CAPSL: variants seen among roughly 807,000 people sequenced by gnomAD.
The protein encoded by CAPSL is calcyphosine like.
A neutral mutation model predicts 21.3 loss-of-function variants in CAPSL; 17 were observed. The observed-to-expected ratio is 0.80, with a 90% CI of 0.55 to 1.20. The LOEUF (loss-of-function observed/expected upper bound fraction) is 1.20. Among genes scored for constraint, CAPSL ranks in the 50% most tolerant of loss-of-function variants. The probability of loss-of-function intolerance (pLI) is 0.00; values close to 1 mark genes in which losing one functional copy is unlikely to be tolerated. For synonymous variants in CAPSL, 102 were observed against 89.3 expected (o/e 1.14, Z -0.80); for missense variants, 289 against 259.3 (o/e 1.11, Z -0.79).
At chr5:35,927,601 C>T (rs1333515319) in intron 1 of CAPSL, among the ~76,000 whole-genome samples, 1 of 152,164 alleles carries the variant, frequency 6.6e-6, no homozygotes, top group Non-Finnish European at 1.5e-5. Context: ...CGGGCTTGAT[C>T]CTGAGCACTG....
At chr5:35,938,336 C>G (rs1452943799) in intron 1 of CAPSL, among the ~76,000 whole-genome samples, 7 of 151,644 alleles carry the variant, frequency 4.6e-5, no homozygotes, top group African/African-American at 1.7e-4. Context: ...ATTTTTTTTG[C>G]AAAGATTACA....
At position 35,922,808 on chromosome 5, in the gene CAPSL, C is replaced by T. The variant is rs555134637; in HGVS notation, c.1-1688G>A. Among the ~76,000 whole-genome samples, 176 of 152,294 alleles carry T rather than the reference C, an allele frequency of 1.2e-3. 1 individual carries two copies. The highest frequency in any genetic ancestry group is 5.6e-3 in the East Asian group (29 of 5,178). On this transcript the variant is annotated intron_variant, in intron 1 of 4. Transcript: ENST00000651391. ...CCTCAAGCTGACAATTCCCAGAGCT[C>T]GTTCCCAGCTTCAGCACTAACTGTC...
chr5:35,934,945 G>T (rs185128573), intron 1 of CAPSL, among the ~76,000 whole-genome samples: 74 of 152,226 alleles, frequency 4.9e-4, no homozygotes, highest in Middle Eastern at 3.4e-3. Flanking sequence ...TACCCCTCTT[G>T]CAGTCTTCTC....
intron 2 of CAPSL, among the ~76,000 whole-genome samples, chr5:35,912,934 C>T (rs1299933202): frequency 6.6e-6 from 1 of 151,914 alleles, no homozygotes; most frequent in Non-Finnish European, 1.5e-5. Context: ...AGTTTGCACC[C>T]ATGGCAAAGA....
At position 35,904,674 on chromosome 5, in the gene CAPSL, C is replaced by T. The variant is rs147434258; in HGVS notation, c.526-28G>A. The T allele has an allele frequency of 2.6e-4, 413 of 1,609,708 alleles. 1 individual carries two copies. Among genetic ancestry groups the T allele is most frequent in the African/African-American group, 1.3e-3 (99 of 74,684 alleles). ...GCAGTGGAAAAGTTAGAAACAAAAA[C>T]GAAACTTTGCTTCTCACTCTGTCAA... On this transcript the variant is annotated intron_variant, in intron 4 of 4. Transcript: ENST00000651391.
rs1388862446 is a variant in CAPSL, at chr5:35,919,048, G to T, written c.137+1936C>A. 3.3e-5 allele frequency among the ~76,000 whole-genome samples: 5 copies of T among 151,666 alleles called. No individual in the cohort carries two copies. In the South Asian group the frequency reaches 1.0e-3, roughly 32 times the overall value. On this transcript the variant is annotated intron_variant, in intron 2 of 4. Transcript: ENST00000651391. ...TGTTAAAACCGTAGGGGCTGCAGAA[G>T]AAGCTCTATTTGGAAAACAAAAAAC...
intron 1 of CAPSL, among the ~76,000 whole-genome samples, chr5:35,932,610 G>C (rs1289054146): frequency 6.6e-6 from 1 of 152,222 alleles, no homozygotes; most frequent in Non-Finnish European, 1.5e-5. Flanking sequence ...AAAGAAGACA[G>C]TGGCTATTGA....
At chr5:35,926,639 G>A (rs982214902) in intron 1 of CAPSL, among the ~76,000 whole-genome samples, 1 of 152,130 alleles carries the variant, frequency 6.6e-6, no homozygotes, top group South Asian at 2.1e-4. Context: ...TGTCTTTGGT[G>A]CTCCCTGGTG....
intron 1 of CAPSL, among the ~76,000 whole-genome samples, chr5:35,935,062 G>C (rs1738910491): frequency 6.6e-6 from 1 of 152,110 alleles, no homozygotes; most frequent in South Asian, 2.1e-4. Context: ...ATCCTTCTTT[G>C]AAGCACAGCC....
chr5:35,927,678 C>G (rs1738720104), intron 1 of CAPSL, among the ~76,000 whole-genome samples: 1 of 152,158 alleles, frequency 6.6e-6, no homozygotes, highest in Admixed American at 6.5e-5. Context: ...TACTTGGAAA[C>G]TGGGTATAAG....
intron 1 of CAPSL, among the ~76,000 whole-genome samples, chr5:35,928,488 G>A (rs970157672): frequency 3.3e-5 from 5 of 152,156 alleles, no homozygotes; most frequent in African/African-American, 1.2e-4. Context: ...GACATCGTGA[G>A]AGTTACTTCA....
chr5:35,922,613 G>T (rs1413391019), intron 1 of CAPSL, among the ~76,000 whole-genome samples: 1 of 152,146 alleles, frequency 6.6e-6, no homozygotes. Flanking sequence ...AACTCCAGAC[G>T]GTGGCACACC....
chr5:35,926,045 C>T (rs1001503449), intron 1 of CAPSL, among the ~76,000 whole-genome samples: 2 of 148,316 alleles, frequency 1.3e-5, no homozygotes, highest in Admixed American at 6.8e-5. Flanking sequence ...CACTGCACTC[C>T]AGCCTGGGCG....
At chr5:35,915,601 G>A (rs1290881077) in intron 2 of CAPSL, among the ~76,000 whole-genome samples, 1 of 152,072 alleles carries the variant, frequency 6.6e-6, no homozygotes, top group Non-Finnish European at 1.5e-5. Flanking sequence ...CAGAACCAAC[G>A]ACAAAAACCA....
chr5:35,913,809 A>G (rs1397663917), intron 2 of CAPSL, among the ~76,000 whole-genome samples: 1 of 152,226 alleles, frequency 6.6e-6, no homozygotes, highest in Non-Finnish European at 1.5e-5. Flanking sequence ...ACTAATGAGC[A>G]AAATAACCAG....
intron 1 of CAPSL, among the ~76,000 whole-genome samples, chr5:35,926,221 G>A (rs1444289085): frequency 6.6e-6 from 1 of 152,196 alleles, no homozygotes; most frequent in Non-Finnish European, 1.5e-5. Flanking sequence ...GGAGAGAGAA[G>A]AAGAGATAGG....
chr5:35,935,032 A>C (rs1738909653), intron 1 of CAPSL, among the ~76,000 whole-genome samples: 1 of 152,178 alleles, frequency 6.6e-6, no homozygotes, highest in Non-Finnish European at 1.5e-5. Context: ...TGTCACCTCC[A>C]CATCATGACC....
chr5:35,912,047 C>T (rs1472821037), intron 2 of CAPSL, among the ~76,000 whole-genome samples: 1 of 152,198 alleles, frequency 6.6e-6, no homozygotes. Context: ...TAGCAAACGG[C>T]GCACCAGGAG....
chr5:35,915,843 G>T (rs972661485), intron 2 of CAPSL, among the ~76,000 whole-genome samples: 10 of 152,196 alleles, frequency 6.6e-5, no homozygotes, highest in African/African-American at 2.4e-4. Context: ...ATTCAACATA[G>T]TGTTGGAAGT....
Sources: allele counts gnomAD v4.1 joint callset (sites outside exome capture counted in the v4.1 genomes callset), GRCh38; gene constraint gnomAD v4.1.1; transcripts MANE v1.5; gene names NCBI Gene and HGNC (gene_info 2026-07-23, HGNC 2026-07-21).